Variants in FAF1 observed in about 807,000 individuals in gnomAD.
The protein encoded by FAF1 is FAS-associated factor 1.
In FAF1, 25 loss-of-function variants were observed where a neutral mutation model predicts 92.5. That is an observed-to-expected ratio of 0.27 (90% CI 0.20 to 0.38). The LOEUF (loss-of-function observed/expected upper bound fraction) is 0.38, where lower values mean the gene tolerates loss of function less well. Among genes scored for constraint, FAF1 ranks in the 10% least tolerant of loss-of-function variants. The probability of loss-of-function intolerance (pLI) is 1.00; values close to 1 mark genes in which losing one functional copy is unlikely to be tolerated. For synonymous variants in FAF1, 234 were observed against 273.2 expected, an observed-to-expected ratio of 0.86 and a Z score of 1.42; for missense variants, 636 against 793.3, an observed-to-expected ratio of 0.80 and a Z score of 2.38.
chr1:50,740,737 A>C (rs1396416714), intron 5 of FAF1, among the ~76,000 whole-genome samples: 2 of 152,194 alleles, frequency 1.3e-5, no homozygotes, highest in African/African-American at 2.4e-5. Flanking sequence ...ATAACTTTAC[A>C]ATTTACCAGG....
chr1:50,648,791 T>G (rs1569671969), intron 8 of FAF1, among the ~76,000 whole-genome samples: 2 of 152,238 alleles, frequency 1.3e-5, no homozygotes, highest in South Asian at 4.2e-4. Context: ...CTGGGTGTGG[T>G]GGCGCATGCC....
chr1:50,955,679 T>A (rs1038310500), intron 1 of FAF1, among the ~76,000 whole-genome samples: 2 of 152,184 alleles, frequency 1.3e-5, no homozygotes, highest in Non-Finnish European at 2.9e-5. Context: ...GAACATATAT[T>A]TGAACACCAA....
At chr1:50,938,038 G>GT (rs1645101290) in intron 1 of FAF1, among the ~76,000 whole-genome samples, 1 of 152,000 alleles carries the variant, frequency 6.6e-6, no homozygotes, top group South Asian at 2.1e-4. Context: ...TAAAGACACT[G>GT]TTTTTTTATT....
rs36053834 is a variant in FAF1, at chr1:50,621,391, C to CTTTTTTTTT, written c.745-25184_745-25176dup. On this transcript the variant is annotated intron_variant, in intron 8 of 18. Coordinates refer to ENST00000396153, the MANE Select transcript of FAF1 (RefSeq NM_007051.3). Reference sequence around the variant, plus strand: ...AGTTAGCCCCGATCTTTCTTTTTTTCTTTTTTTTTTTTTTTTTTTTTTTTT... The same window carrying CTTTTTTTTT: ...AGTTAGCCCCGATCTTTCTTTTTTTCTTTTTTTTTTTTTTTTTTTTTTTTTTTTTTTTTT... 3.6e-3 allele frequency among the ~76,000 whole-genome samples: 321 copies of CTTTTTTTTT among 89,254 alleles called. 2 individuals carry two copies. The highest frequency in any genetic ancestry group is 5.0e-3 in the African/African-American group (107 of 21,406). 58.6% of individuals were successfully genotyped at this position (89,254 alleles called of 152,430 possible).
At chr1:50,783,378 C>T (rs1348577045) in intron 4 of FAF1, among the ~76,000 whole-genome samples, 1 of 152,146 alleles carries the variant, frequency 6.6e-6, no homozygotes, top group East Asian at 1.9e-4. Context: ...TACATCAATA[C>T]CAAAGCCAAA....
chr1:50,520,025 G>A (rs767999816), intron 15 of FAF1, among the ~76,000 whole-genome samples: 9 of 152,178 alleles, frequency 5.9e-5, no homozygotes, highest in Non-Finnish European at 1.3e-4. Context: ...CGGATATATA[G>A]CAAGTCCCTA....
intron 1 of FAF1, among the ~76,000 whole-genome samples, chr1:50,948,530 TTTTC>T (rs1267169218): frequency 5.2e-4 from 78 of 150,912 alleles, no homozygotes; most frequent in African/African-American, 1.9e-3. Flanking sequence ...TTTCTTTTCT[TTTTC>T]TTTTTTTTTT....
At chr1:50,482,716 A>G (rs557463876) in intron 17 of FAF1, among the ~76,000 whole-genome samples, 1 of 152,270 alleles carries the variant, frequency 6.6e-6, no homozygotes, top group South Asian at 2.1e-4. Flanking sequence ...AAAGGTGTAC[A>G]TATATTGTGG....
chr1:50,770,778 G>T (rs1042748749), intron 4 of FAF1, among the ~76,000 whole-genome samples: 1 of 152,038 alleles, frequency 6.6e-6, no homozygotes, highest in East Asian at 1.9e-4. Context: ...GAACCAAAAA[G>T]GAGCCTGAAT....
intron 1 of FAF1, among the ~76,000 whole-genome samples, chr1:50,954,660 C>T (rs1399099821): frequency 6.6e-6 from 1 of 151,022 alleles, no homozygotes. Flanking sequence ...CCTGCCTCAG[C>T]CTCCCACAGC....
Position 50,583,716 on chromosome 1 carries a change from C to T in FAF1, c.968-1G>A. ...CCTTCATTTTCTGCGTTTTCTGGCA[C>T]TAAAAAACAAACAAAAGAAAAAACA... On this transcript the variant is annotated splice_acceptor_variant, in intron 10 of 18. Transcript: ENST00000396153. LOFTEE classifies it high-confidence loss of function. The surrounding 1 kb of genome is among the most constrained non-coding windows in gnomAD (Gnocchi z 4.2). The T allele has an allele frequency of 1.3e-6, 2 of 1,558,742 alleles. No homozygotes were observed. Among genetic ancestry groups the T allele is most frequent in the Non-Finnish European group, 1.7e-6 (2 of 1,149,614 alleles).
At chr1:50,669,343 C>T (rs1164200933) in intron 7 of FAF1, among the ~76,000 whole-genome samples, 1 of 151,986 alleles carries the variant, frequency 6.6e-6, no homozygotes, top group Non-Finnish European at 1.5e-5. Flanking sequence ...GGGAAAATCA[C>T]CATTTAATAA....
chr1:50,593,932 A>G (rs1282722630), intron 9 of FAF1, among the ~76,000 whole-genome samples: 2 of 152,206 alleles, frequency 1.3e-5, no homozygotes, highest in East Asian at 3.8e-4. Context: ...ATGAGCAACC[A>G]CATTTTGTAT....
intron 1 of FAF1, among the ~76,000 whole-genome samples, chr1:50,917,062 G>C (rs1644923746): frequency 6.6e-6 from 1 of 152,170 alleles, no homozygotes; most frequent in Non-Finnish European, 1.5e-5. Context: ...ACAAGGAAAG[G>C]AGGAAGAAAG....
chr1:50,853,052 G>A (rs1300036593), intron 2 of FAF1, among the ~76,000 whole-genome samples: 1 of 152,146 alleles, frequency 6.6e-6, no homozygotes, highest in African/African-American at 2.4e-5. Flanking sequence ...GAAGGGCAGT[G>A]CTCAATGCTT....
intron 1 of FAF1, among the ~76,000 whole-genome samples, chr1:50,932,887 T>C (rs1645059383): frequency 6.6e-6 from 1 of 152,228 alleles, no homozygotes; most frequent in Admixed American, 6.5e-5. Context: ...TTGACTTCTG[T>C]GCACCCGGAG....
At chr1:50,677,692 C>T (rs535974926) in intron 7 of FAF1, among the ~76,000 whole-genome samples, 5 of 151,888 alleles carry the variant, frequency 3.3e-5, no homozygotes, top group South Asian at 2.1e-4. Flanking sequence ...GTCAGGAGTT[C>T]GAGACTAGCC....
chr1:50,617,890 T>C (rs975619148), intron 8 of FAF1, among the ~76,000 whole-genome samples: 7 of 151,988 alleles, frequency 4.6e-5, no homozygotes, highest in African/African-American at 1.7e-4. Context: ...CCTTGGGAGA[T>C]TGTGTGTTTC....
chr1:50,666,292 A>T (rs1474588144), intron 7 of FAF1, among the ~76,000 whole-genome samples: 2 of 152,092 alleles, frequency 1.3e-5, no homozygotes, highest in Non-Finnish European at 2.9e-5. Flanking sequence ...AGCTCACTGC[A>T]GCCTGGATCT....
Sources: gnomAD v4.1 joint callset for allele counts (sites outside exome capture counted in the v4.1 genomes callset) on GRCh38, gnomAD v4.1.1 for gene constraint, Gnocchi (gnomAD v3.1) non-coding constraint, MANE v1.5 for transcripts, NCBI Gene and HGNC (gene_info 2026-07-23, HGNC 2026-07-21) for gene names.